Variants in ATP6V1C2 observed in about 807,000 individuals in gnomAD.
ATP6V1C2 encodes the protein V-type proton ATPase subunit C 2.
A neutral mutation model predicts 56.8 loss-of-function variants in ATP6V1C2; 45 were observed. That is an observed-to-expected ratio of 0.79 (90% CI 0.62 to 1.02). The LOEUF (loss-of-function observed/expected upper bound fraction) is 1.02. Ranked by LOEUF, ATP6V1C2 falls within the 50% of genes least tolerant of loss-of-function variation. The probability of loss-of-function intolerance (pLI) is 0.00; values close to 1 mark genes in which losing one functional copy is unlikely to be tolerated. For synonymous variants in ATP6V1C2, 220 were observed against 201.3 expected (o/e 1.09, Z -0.79); for missense variants, 463 against 519.7 (o/e 0.89, Z 1.06).
intron 2 of ATP6V1C2, among the ~76,000 whole-genome samples, chr2:10,724,089 G>C (rs1274368737): frequency 6.6e-6 from 1 of 152,044 alleles, no homozygotes; most frequent in East Asian, 1.9e-4. Context: ...CAAAAAGAGT[G>C]GACTTACCGT....
At chr2:10,729,172 C>CTTTTTTTT (rs372762251) in intron 3 of ATP6V1C2, among the ~76,000 whole-genome samples, 2,806 of 144,822 alleles carry the variant, frequency 0.019, 113 homozygotes, top group African/African-American at 0.069. Flanking sequence ...CATTGGAAAA[C>CTTTTTTTT]TTTTTTTTTT....
At position 10,771,951 on chromosome 2, in the gene ATP6V1C2, G is replaced by GA; in HGVS notation, c.569+15dup. 1 of 1,609,006 alleles carries GA rather than the reference G, an allele frequency of 6.2e-7. No homozygotes were observed. Among genetic ancestry groups the GA allele is most frequent in the Non-Finnish European group, 8.5e-7 (1 of 1,175,496 alleles). ...CATCGTCCCCAAGTGAGTGCTGGGCGATCACGAAGGAAACCGGCCCTGCCC... is the reference window on the plus strand; with the variant it reads ...CATCGTCCCCAAGTGAGTGCTGGGCGAATCACGAAGGAAACCGGCCCTGCCC... On this transcript the variant is annotated intron_variant, in intron 7 of 13. Coordinates refer to ENST00000272238, the MANE Select transcript of ATP6V1C2 (RefSeq NM_001039362.2).
intron 2 of ATP6V1C2, among the ~76,000 whole-genome samples, chr2:10,725,010 A>G (rs1215710669): frequency 6.6e-6 from 1 of 151,962 alleles, no homozygotes; most frequent in East Asian, 1.9e-4. Flanking sequence ...GAACCTAATT[A>G]CTTTTTAACA....
At chr2:10,746,398 CT>C (rs1205119746) in intron 3 of ATP6V1C2, among the ~76,000 whole-genome samples, 2,976 of 147,750 alleles carry the variant, frequency 0.02, 89 homozygotes, top group African/African-American at 0.07. Context: ...CTCTTATTTC[CT>C]TTTTTTTTTC....
intron 2 of ATP6V1C2, among the ~76,000 whole-genome samples, chr2:10,725,641 C>T (rs1661600249): frequency 1.3e-5 from 2 of 151,044 alleles, no homozygotes; most frequent in Non-Finnish European, 2.9e-5. Context: ...ATTACGGGCA[C>T]ATGCCACCAT....
intron 10 of ATP6V1C2, among the ~76,000 whole-genome samples, chr2:10,776,046 G>A (rs1664945921): frequency 6.6e-6 from 1 of 152,094 alleles, no homozygotes; most frequent in Non-Finnish European, 1.5e-5. Flanking sequence ...GGGCTCCTGG[G>A]GACCTGGCCT....
intron 5 of ATP6V1C2, among the ~76,000 whole-genome samples, chr2:10,767,612 C>T (rs1212046573): frequency 6.6e-6 from 1 of 152,076 alleles, no homozygotes; most frequent in Non-Finnish European, 1.5e-5. Context: ...CATCCACCAC[C>T]AAGCCCAGCC....
chr2:10,758,724 G>A (rs59337562), intron 4 of ATP6V1C2, among the ~76,000 whole-genome samples: 29,457 of 151,316 alleles, frequency 0.19, 3,066 homozygotes, highest in East Asian at 0.36. Context: ...ATGCAGTGGT[G>A]GGATCTCGGC....
At chr2:10,736,936 C>G (rs1275134996) in intron 3 of ATP6V1C2, among the ~76,000 whole-genome samples, 1 of 151,152 alleles carries the variant, frequency 6.6e-6, no homozygotes, top group Non-Finnish European at 1.5e-5. Context: ...TTTATAGGGA[C>G]GAGGGTTTCA....
chr2:10,728,223 G>A (rs947679501), intron 3 of ATP6V1C2, among the ~76,000 whole-genome samples: 1 of 151,874 alleles, frequency 6.6e-6, no homozygotes, highest in Admixed American at 6.6e-5. Context: ...CTGAGACTAT[G>A]GTCACATGCC....
chr2:10,753,874 T>G (rs1490976448), intron 3 of ATP6V1C2, 107 bp from the exon 4 acceptor site: 1 of 1,020,174 alleles, frequency 9.8e-7, no homozygotes, highest in Non-Finnish European at 1.5e-6. Context: ...CTTGCCAAAT[T>G]ATTCCCCCAA....
At chr2:10,746,159 C>T (rs956129072) in intron 3 of ATP6V1C2, among the ~76,000 whole-genome samples, 10 of 151,886 alleles carry the variant, frequency 6.6e-5, no homozygotes, top group Non-Finnish European at 1.5e-5. Flanking sequence ...GCCACCACAC[C>T]CGGCTAATTT....
upstream of ATP6V1C2, among the ~76,000 whole-genome samples, chr2:10,721,407 A>C (rs909297968): frequency 2.2e-4 from 33 of 151,904 alleles, no homozygotes; most frequent in Non-Finnish European, 2.4e-4. Context: ...ACCCCGTGGG[A>C]CGCGCCGCAG....
chr2:10,772,556 A>T lies in ATP6V1C2; in HGVS notation c.584A>T (p.Gln195Leu). The change falls in exon 8 of 14, where the codon CAA (glutamine) becomes CTA (leucine). Residue 195 changes from glutamine to leucine, a missense_variant. Physicochemically the swap from Gln to Leu is moderately radical, Grantham distance 113. Transcript: ENST00000272238. ...LVIVPKPNYS[Q>L]WQKTYESLSD... ...TGTTCTTGCAGACCAAACTACTCAC[A>T]ATGGCAAAAAACCTACGAATCTCTC... 1.2e-6 allele frequency: 2 copies of T among 1,614,026 alleles called. No individual in the cohort carries two copies.
intron 11 of ATP6V1C2, among the ~76,000 whole-genome samples, chr2:10,778,319 C>T (rs1163293127): frequency 6.6e-6 from 1 of 152,240 alleles, no homozygotes; most frequent in Admixed American, 6.5e-5. Context: ...GGCTGCCCAG[C>T]TCCCCGCGCT....
At chr2:10,736,162 T>TC (rs201723934) in intron 3 of ATP6V1C2, among the ~76,000 whole-genome samples, 7,483 of 152,204 alleles carry the variant, frequency 0.049, 603 homozygotes, top group African/African-American at 0.17. Context: ...CCTGCATTTC[T>TC]ACGAGTTCCC....
chr2:10,775,321 A>T (rs1334647822), intron 10 of ATP6V1C2, among the ~76,000 whole-genome samples: 1 of 152,132 alleles, frequency 6.6e-6, no homozygotes, highest in Non-Finnish European at 1.5e-5. Context: ...CGCTTTCCAC[A>T]TGTGTTCTCA....
intron 4 of ATP6V1C2, among the ~76,000 whole-genome samples, chr2:10,754,542 A>ATTTTC (rs141329846): frequency 4.0e-4 from 58 of 145,282 alleles, no homozygotes; most frequent in Middle Eastern, 3.5e-3. Context: ...TATTATGATA[A>ATTTTC]TTTTCTTTTC....
intron 4 of ATP6V1C2, among the ~76,000 whole-genome samples, chr2:10,759,396 C>T (rs1249953416): frequency 1.3e-5 from 2 of 152,178 alleles, no homozygotes; most frequent in Admixed American, 6.5e-5. Context: ...GCTTGCTGGG[C>T]GATGGGCCGC....
Sources: allele counts gnomAD v4.1 joint callset (sites outside exome capture counted in the v4.1 genomes callset), GRCh38; gene constraint gnomAD v4.1.1; transcripts MANE v1.5; gene names NCBI Gene and HGNC (gene_info 2026-07-23, HGNC 2026-07-21).